The following ARNT variants were observed in gnomAD, a reference collection of about 807,000 sequenced individuals.
ARNT encodes aryl hydrocarbon receptor nuclear translocator, also known as class E basic helix-loop-helix protein 2.
In ARNT, 30 loss-of-function variants were observed where a neutral mutation model predicts 105.0. That is an observed-to-expected ratio of 0.29 (90% CI 0.21 to 0.39). ARNT has a LOEUF of 0.39. Ranked by LOEUF, ARNT falls within the 10% of genes least tolerant of loss-of-function variation. The pLI is 1.00. For synonymous variants in ARNT, 304 were observed against 344.0 expected (o/e 0.88, Z 1.29); for missense variants, 748 against 978.7 (o/e 0.76, Z 3.15).
intron 1 of ARNT, among the ~76,000 whole-genome samples, chr1:150,862,839 T>G (rs979282893): frequency 4.0e-5 from 6 of 149,716 alleles, no homozygotes; most frequent in African/African-American, 1.5e-4. Context: ...GATCACGACA[T>G]CAGGAGTTCG....
chr1:150,809,939 C>G lies in ARNT; in HGVS notation c.*2082G>C. 4.4e-6 allele frequency: 1 copy of G among 224,952 alleles called. No homozygotes were observed. Among genetic ancestry groups the G allele is most frequent in the Non-Finnish European group, 8.9e-6 (1 of 112,556 alleles). The allele number at this position is 224,952 out of a possible 1,614,324, so 13.9% of individuals were successfully genotyped here. On this transcript the variant is annotated 3_prime_UTR_variant, in exon 22 of 22. Coordinates refer to ENST00000358595, the MANE Select transcript of ARNT (RefSeq NM_001668.4). ...GGGAGGCGTGCAATGTGATCAGAAC[C>G]CTATGATTTCTGATTCCTGAAATTA...
At chr1:150,849,295 A>C (rs758393769) in intron 3 of ARNT, among the ~76,000 whole-genome samples, 4 of 152,184 alleles carry the variant, frequency 2.6e-5, no homozygotes, top group Non-Finnish European at 5.9e-5. Context: ...CTCCTTTATC[A>C]AATTGTCTGT....
At chr1:150,858,851 A>G (rs1340480195) in intron 1 of ARNT, among the ~76,000 whole-genome samples, 2 of 149,520 alleles carry the variant, frequency 1.3e-5, no homozygotes, top group Non-Finnish European at 1.5e-5. Flanking sequence ...TTGAACGCCT[A>G]GCTCCAAGAG....
intron 1 of ARNT, chr1:150,861,416 G>T (rs1254349650): frequency 7.3e-6 from 2 of 272,322 alleles, no homozygotes; most frequent in African/African-American, 2.3e-5. Context: ...TGAAAGCAGG[G>T]TCTCAAAGAA....
intron 4 of ARNT, among the ~76,000 whole-genome samples, chr1:150,845,125 T>TA (rs1377124730): frequency 6.6e-6 from 1 of 152,030 alleles, no homozygotes; most frequent in African/African-American, 2.4e-5. Flanking sequence ...CTGTCATTTT[T>TA]AAAAAAACAG....
chr1:150,851,150 G>T (rs999101444), intron 3 of ARNT, among the ~76,000 whole-genome samples: 8 of 151,066 alleles, frequency 5.3e-5, no homozygotes, highest in African/African-American at 1.7e-4. Context: ...TCCGGGAGGT[G>T]GGGGGCAGCC....
At chr1:150,818,081 G>A (rs754020753) in intron 14 of ARNT, 51 bp from the exon 15 acceptor site, 28 of 1,160,228 alleles carry the variant, frequency 2.4e-5, no homozygotes, top group South Asian at 6.8e-5. Flanking sequence ...GAGGAAGGGG[G>A]GAGAGAGAGA....
Position 150,839,528 on chromosome 1 carries a change from G to A in ARNT, c.399C>T (p.Arg133=). ...ARKPDKLTIL[R]MAVSHMKSLR... is the part of the protein sequence containing the mutation. Reference sequence around the variant, plus strand: ...AGGACTTCATGTGAGAAACTGCCATGCGTAAGATGGTTAGCTTGTCTGGTT... The same window carrying A: ...AGGACTTCATGTGAGAAACTGCCATACGTAAGATGGTTAGCTTGTCTGGTT... The change falls in exon 6 of 22, where the codon CGC becomes CGT. Residue 133 remains arginine (R), a synonymous_variant. Coordinates refer to ENST00000358595, the MANE Select transcript of ARNT (RefSeq NM_001668.4). 6.2e-7 allele frequency: 1 copy of A among 1,614,210 alleles called. No homozygotes were observed. Among genetic ancestry groups the A allele is most frequent in the Non-Finnish European group, 8.5e-7 (1 of 1,180,038 alleles).
intron 5 of ARNT, among the ~76,000 whole-genome samples, chr1:150,840,275 A>G (rs1661043399): frequency 6.6e-6 from 1 of 152,084 alleles, no homozygotes; most frequent in South Asian, 2.1e-4. Flanking sequence ...AAGAGAAAAA[A>G]AAAGATAGTA....
chr1:150,823,481 C>A, intron 13 of ARNT, 136 bp from the exon 14 acceptor site: 9 of 734,380 alleles, frequency 1.2e-5, no homozygotes, highest in South Asian at 2.9e-5. Context: ...AATATTAAAA[C>A]AAAATGAGAG....
At chr1:150,874,489 G>A (rs1242920535) in intron 1 of ARNT, among the ~76,000 whole-genome samples, 1 of 152,148 alleles carries the variant, frequency 6.6e-6, no homozygotes, top group Non-Finnish European at 1.5e-5. Context: ...ATCAAGATCA[G>A]CATGGGCAAC....
At chr1:150,867,541 G>T (rs371989593) in intron 1 of ARNT, among the ~76,000 whole-genome samples, 29 of 152,222 alleles carry the variant, frequency 1.9e-4, no homozygotes, top group Middle Eastern at 3.4e-3. Flanking sequence ...AAAAGAGAGA[G>T]ATATCTTTTA....
Position 150,813,906 on chromosome 1 carries a change from G to A in ARNT, c.2113+171C>T, listed in dbSNP as rs587635075. Among the ~76,000 whole-genome samples the A allele has an allele frequency of 4.6e-5, 7 of 152,284 alleles. No homozygotes were observed. In the East Asian group the frequency reaches 7.7e-4, roughly 17 times the overall value. ...CTCCCAAAGTGCTGGTATTACAGGC[G>A]TGAGCCACCGCACCCAGCTGGTAGG... On this transcript the variant is annotated intron_variant, in intron 20 of 21. Transcript: ENST00000358595.
intron 6 of ARNT, among the ~76,000 whole-genome samples, chr1:150,838,517 A>G (rs1418212757): frequency 6.6e-6 from 1 of 152,246 alleles, no homozygotes; most frequent in Admixed American, 6.5e-5. Flanking sequence ...CAATGTATAT[A>G]GCTACAAAGT....
intron 1 of ARNT, among the ~76,000 whole-genome samples, chr1:150,875,562 G>A (rs966900701): frequency 1.3e-5 from 2 of 152,120 alleles, no homozygotes; most frequent in African/African-American, 4.8e-5. Context: ...TTTTGGAAAA[G>A]GATAGACTTT....
intron 2 of ARNT, among the ~76,000 whole-genome samples, chr1:150,856,343 G>A (rs1664608803): frequency 1.3e-5 from 2 of 152,148 alleles, no homozygotes; most frequent in South Asian, 4.1e-4. Context: ...GGGAGGCTGA[G>A]ACAGGAGAAT....
At chr1:150,857,645 TC>T (rs1664871222) in intron 2 of ARNT, among the ~76,000 whole-genome samples, 1 of 152,158 alleles carries the variant, frequency 6.6e-6, no homozygotes, top group Admixed American at 6.6e-5. Flanking sequence ...TAGTGCCCAT[TC>T]TTCCAGGCCC....
chr1:150,849,893 C>G (rs937060251), intron 3 of ARNT, among the ~76,000 whole-genome samples: 1 of 151,936 alleles, frequency 6.6e-6, no homozygotes, highest in Non-Finnish European at 1.5e-5. Flanking sequence ...GGTGAAACCC[C>G]GTCTCTACTA....
chr1:150,863,492 C>G (rs1195804193), intron 1 of ARNT, among the ~76,000 whole-genome samples: 1 of 151,814 alleles, frequency 6.6e-6, no homozygotes, highest in Non-Finnish European at 1.5e-5. Context: ...GGCAACCAGC[C>G]CATGGGGAAG....
Sources: gnomAD v4.1 joint callset for allele counts (sites outside exome capture counted in the v4.1 genomes callset) on GRCh38, gnomAD v4.1.1 for gene constraint, MANE v1.5 for transcripts, NCBI Gene and HGNC (gene_info 2026-07-23, HGNC 2026-07-21) for gene names.